EPB41L4B: variants seen among roughly 807,000 people sequenced by gnomAD.
EPB41L4B encodes erythrocyte membrane protein band 4.1 like 4B.
EPB41L4B carries 30 observed loss-of-function variants against 112.5 expected under a neutral mutation model. The ratio of observed to expected loss-of-function variants is 0.27; its 90% confidence interval spans 0.20 to 0.36. The LOEUF is 0.36. Among genes scored for constraint, EPB41L4B ranks in the 10% least tolerant of loss-of-function variants. EPB41L4B has a pLI of 1.00. For missense variants in EPB41L4B, 1,024 were observed against 1,133.3 expected (o/e 0.90, Z 1.38); for synonymous variants, 408 against 439.7 (o/e 0.93, Z 0.90).
rs778738720 is a variant in EPB41L4B at position 109,253,529 on chromosome 9, A to G, written c.1191T>C (p.Ala397=). The stretch of plus-strand genomic sequence containing the variant: ...TTCTTCGTAACCTGGAGCCATGTGT[A>G]GCTTGATATTCTGTCCGCCCACTGG... The part of the protein sequence containing the change: ...FRFSGRTEYQ[A]THGSRLRRTS... Residue 397 remains alanine (A), a synonymous_variant, in exon 12 of 26, where the codon GCT becomes GCC. Coordinates refer to ENST00000374566, the MANE Select transcript of EPB41L4B (RefSeq NM_019114.5). The G allele has an allele frequency of 1.5e-5, 24 of 1,613,102 alleles. No homozygotes were observed. In the South Asian group the frequency reaches 2.5e-4, roughly 17 times the overall value.
Position 109,253,528 on chromosome 9 carries a change from T to C in EPB41L4B, c.1192A>G (p.Thr398Ala). 3.1e-6 allele frequency: 5 copies of C among 1,613,158 alleles called. No homozygotes were observed. Among genetic ancestry groups the C allele is most frequent in the Non-Finnish European group, 4.2e-6 (5 of 1,179,120 alleles). The change falls in exon 12 of 26, where the codon ACA becomes GCA. Residue 398 changes from threonine (T) to alanine (A), a missense_variant. Thr to Ala is a moderately conservative substitution (Grantham distance 58). Coordinates refer to ENST00000374566, the MANE Select transcript of EPB41L4B (RefSeq NM_019114.5). The stretch of plus-strand genomic sequence containing the variant: ...GTTCTTCGTAACCTGGAGCCATGTG[T>C]AGCTTGATATTCTGTCCGCCCACTG... ...RFSGRTEYQA[T>A]HGSRLRRTST...
chr9:109,288,633 G>T (rs1836395565), intron 1 of EPB41L4B, among the ~76,000 whole-genome samples: 1 of 147,044 alleles, frequency 6.8e-6, no homozygotes, highest in East Asian at 2.1e-4. Flanking sequence ...TGAGGCAGGA[G>T]AATGGAGTGA....
At chr9:109,249,922 C>A (rs1255683516) in intron 13 of EPB41L4B, among the ~76,000 whole-genome samples, 1 of 152,136 alleles carries the variant, frequency 6.6e-6, no homozygotes, top group Non-Finnish European at 1.5e-5. Flanking sequence ...GATTTGGAAT[C>A]AGAGATGCGA....
chr9:109,275,152 G>A (rs915173096), intron 2 of EPB41L4B, among the ~76,000 whole-genome samples: 4 of 152,246 alleles, frequency 2.6e-5, no homozygotes, highest in African/African-American at 9.6e-5. Context: ...CGCTTTGACA[G>A]TTGCTTCAGG....
intron 1 of EPB41L4B, among the ~76,000 whole-genome samples, chr9:109,306,978 C>T (rs1221113670): frequency 6.6e-6 from 1 of 151,940 alleles, no homozygotes; most frequent in Non-Finnish European, 1.5e-5. Context: ...TTGTATTCCT[C>T]CCACAGGGCC....
At chr9:109,312,721 G>C (rs184403356) in intron 1 of EPB41L4B, among the ~76,000 whole-genome samples, 1 of 152,054 alleles carries the variant, frequency 6.6e-6, no homozygotes, top group African/African-American at 2.4e-5. Flanking sequence ...ATGGGGTCCC[G>C]ACATCATCTT....
chr9:109,305,545 G>A (rs988771344), intron 1 of EPB41L4B, among the ~76,000 whole-genome samples: 2 of 152,164 alleles, frequency 1.3e-5, no homozygotes, highest in African/African-American at 4.8e-5. Context: ...TTGAACCCAG[G>A]AGGAGGAGGT....
chr9:109,258,061 G>A lies in EPB41L4B; in HGVS notation c.752+116C>T, dbSNP rs113204087. 1.3e-4 allele frequency: 142 copies of A among 1,111,874 alleles called. No homozygotes were observed. In the African/African-American group the frequency reaches 2.1e-3, roughly 16 times the overall value. The allele number at this position is 1,111,874 out of a possible 1,614,324, so 68.9% of individuals were successfully genotyped here. Reference sequence around the variant, plus strand: ...CTGACACAAGGAGAGAAGAGTTGGCGCTGCAGTTTTATGGCCATCAACAGA... The same window carrying A: ...CTGACACAAGGAGAGAAGAGTTGGCACTGCAGTTTTATGGCCATCAACAGA... On this transcript the variant is annotated intron_variant, in intron 7 of 25. Transcript: ENST00000374566.
intron 19 of EPB41L4B, 85 bp from the exon 20 acceptor site, chr9:109,200,419 A>C: frequency 1.0e-6 from 1 of 977,086 alleles, no homozygotes; most frequent in Non-Finnish European, 1.6e-6. Flanking sequence ...TTCTCAGTTA[A>C]TGTACACCTT....
intron 20 of EPB41L4B, chr9:109,196,244 A>G (rs891907422): frequency 3.2e-4 from 48 of 152,092 alleles, no homozygotes; most frequent in African/African-American, 1.0e-3. Flanking sequence ...CACCTTGCGC[A>G]GGGGGACCAT....
At chr9:109,188,696 C>T (rs766391531) in intron 22 of EPB41L4B, among the ~76,000 whole-genome samples, 2 of 152,182 alleles carry the variant, frequency 1.3e-5, no homozygotes, top group African/African-American at 2.4e-5. Context: ...AACACCTAAC[C>T]CAGGGCCTGT....
chr9:109,216,865 C>A (rs369107075), intron 16 of EPB41L4B, 57 bp downstream of exon 16: 1 of 1,513,878 alleles, frequency 6.6e-7, no homozygotes, highest in Non-Finnish European at 9.2e-7. Flanking sequence ...AGGGAACTCT[C>A]GTGCCCTGCA....
intron 1 of EPB41L4B, among the ~76,000 whole-genome samples, chr9:109,302,330 A>G (rs1837000865): frequency 6.6e-6 from 1 of 152,142 alleles, no homozygotes; most frequent in Non-Finnish European, 1.5e-5. Flanking sequence ...GTGTCTTCAC[A>G]TGGTCCTCCC....
chr9:109,308,552 T>G (rs1004515137), intron 1 of EPB41L4B, among the ~76,000 whole-genome samples: 8 of 152,166 alleles, frequency 5.3e-5, no homozygotes, highest in African/African-American at 1.9e-4. Flanking sequence ...GAAGAAAATT[T>G]GAACATTGGC....
intron 13 of EPB41L4B, 120 bp downstream of exon 13, chr9:109,251,361 G>C: frequency 1.1e-6 from 1 of 950,686 alleles, no homozygotes; most frequent in Non-Finnish European, 1.7e-6. Flanking sequence ...CAGAAAAAGG[G>C]GAAAAAAATT....
intron 1 of EPB41L4B, among the ~76,000 whole-genome samples, chr9:109,299,853 G>A (rs988335709): frequency 1.3e-5 from 2 of 152,148 alleles, no homozygotes; most frequent in African/African-American, 4.8e-5. Context: ...GAATCATATA[G>A]CATGCCTCTT....
At chr9:109,214,768 C>T (rs12341923) in intron 16 of EPB41L4B, among the ~76,000 whole-genome samples, 8,628 of 151,980 alleles carry the variant, frequency 0.057, 381 homozygotes, top group Admixed American at 0.13. Context: ...GGTCAGGATA[C>T]GCAAGGTCTG....
chr9:109,213,595 C>CT (rs760055243), intron 17 of EPB41L4B, 105 bp downstream of exon 17: 3 of 886,862 alleles, frequency 3.4e-6, no homozygotes, highest in Non-Finnish European at 5.6e-6. Context: ...ATAGAGATCC[C>CT]TCCAAGGCAA....
chr9:109,268,665 G>A (rs1035363925), intron 2 of EPB41L4B, among the ~76,000 whole-genome samples: 77 of 152,016 alleles, frequency 5.1e-4, no homozygotes, highest in African/African-American at 1.8e-3. Flanking sequence ...TTGGGAGGCC[G>A]AGGCGGGCGG....
Sources: allele counts gnomAD v4.1 joint callset (sites outside exome capture counted in the v4.1 genomes callset), GRCh38; gene constraint gnomAD v4.1.1; transcripts MANE v1.5; gene names NCBI Gene and HGNC (gene_info 2026-07-23, HGNC 2026-07-21).